The following DCAF7 variants were observed in gnomAD, a reference collection of about 807,000 sequenced individuals.
DCAF7 encodes DDB1- and CUL4-associated factor 7.
Under a neutral mutation model 41.2 loss-of-function variants are expected in DCAF7, and 4 were observed. That is an observed-to-expected ratio of 0.10 (90% confidence interval 0.05 to 0.22). DCAF7 has a LOEUF of 0.22. Among genes scored for constraint, DCAF7 ranks in the 10% least tolerant of loss-of-function variants. DCAF7 has a pLI of 1.00. For missense variants in DCAF7, 131 were observed against 443.2 expected (o/e 0.30, Z 6.32); for synonymous variants, 143 against 164.2 (o/e 0.87, Z 0.99).
chr17:63,554,819 C>G (rs1252580150), intron 1 of DCAF7, among the ~76,000 whole-genome samples: 3 of 152,102 alleles, frequency 2.0e-5, no homozygotes, highest in African/African-American at 7.2e-5. Flanking sequence ...AATTATATGG[C>G]TGTTTAGTAA....
At chr17:63,563,715 T>C (rs965039015) in intron 1 of DCAF7, among the ~76,000 whole-genome samples, 1 of 152,070 alleles carries the variant, frequency 6.6e-6, no homozygotes, top group African/African-American at 2.4e-5. Context: ...CTCGGGAGGC[T>C]GAGATGGGAG....
At chr17:63,588,653 T>C (rs16946999) in intron 6 of DCAF7, among the ~76,000 whole-genome samples, 21,583 of 152,070 alleles carry the variant, frequency 0.14, 4,967 homozygotes, top group African/African-American at 0.49. Context: ...GTATTTTAAG[T>C]GGCTGCAAAT....
Position 63,559,335 on chromosome 17 carries a change from A to ATATATATATG in DCAF7, c.138+8522_138+8523insTATATATGTA, listed in dbSNP as rs1568097645. Among the ~76,000 whole-genome samples, 52 of 107,346 alleles carry ATATATATATG rather than the reference A, an allele frequency of 4.8e-4. 1 individual carries two copies. Among genetic ancestry groups the ATATATATATG allele is most frequent in the African/African-American group, 1.9e-3 (46 of 24,826 alleles). 70.4% of individuals were successfully genotyped at this position (107,346 alleles called of 152,430 possible). A position where few individuals can be genotyped will look rare whatever the true frequency, so the allele number is the denominator to read the frequency against. ...TATATATATATGTATATATATATAC[A>ATATATATATG]TACATATATATACGTATATATATGT... On this transcript the variant is annotated intron_variant, in intron 1 of 6. Coordinates refer to ENST00000614556, the MANE Select transcript of DCAF7 (RefSeq NM_005828.5).
intron 1 of DCAF7, among the ~76,000 whole-genome samples, chr17:63,565,589 A>G (rs2033431639): frequency 6.6e-6 from 1 of 151,958 alleles, no homozygotes; most frequent in Non-Finnish European, 1.5e-5. Context: ...AATAATAATA[A>G]TAATAAAATG....
intron 1 of DCAF7, among the ~76,000 whole-genome samples, chr17:63,558,524 C>A (rs1192785427): frequency 6.6e-6 from 1 of 152,140 alleles, no homozygotes; most frequent in Non-Finnish European, 1.5e-5. Context: ...TTAATGTAAT[C>A]CCTGTTTAAA....
chr17:63,555,562 C>T (rs1051172504), intron 1 of DCAF7, among the ~76,000 whole-genome samples: 3 of 152,058 alleles, frequency 2.0e-5, no homozygotes, highest in Non-Finnish European at 4.4e-5. Flanking sequence ...TTAATTTAGC[C>T]GGTCTGTATT....
chr17:63,560,796 CAG>C (rs1446689557), intron 1 of DCAF7, among the ~76,000 whole-genome samples: 5 of 152,186 alleles, frequency 3.3e-5, no homozygotes, highest in Non-Finnish European at 7.4e-5. Context: ...GAGGAATAAA[CAG>C]AAAGGAATGA....
rs768843071 is a variant in DCAF7 at position 63,585,309 on chromosome 17, C to T, written c.837C>T (p.Ser279=). The part of the protein sequence containing the change: ...VNGIAWAPHS[S]CHICTAADDH... ...GCATTGCTTGGGCCCCACATTCATC[C>T]TGCCACATCTGCACTGCAGGTAATC... Residue 279 remains serine, a synonymous_variant, in exon 6 of 7, where the codon TCC becomes TCT. Transcript: ENST00000614556. The T allele has an allele frequency of 3.1e-6, 5 of 1,613,854 alleles. No individual in the cohort carries two copies. Among genetic ancestry groups the T allele is most frequent in the Middle Eastern group, 1.7e-4 (1 of 6,060 alleles).
chr17:63,558,587 G>T (rs4968657), intron 1 of DCAF7, among the ~76,000 whole-genome samples: 41,482 of 152,040 alleles, frequency 0.27, 6,341 homozygotes, highest in Middle Eastern at 0.36. Context: ...GCCCAGGCTA[G>T]AGTGCAGTAG....
chr17:63,559,399 G>GTATATATATATGTATATATATATGTA (rs10637228), intron 1 of DCAF7, among the ~76,000 whole-genome samples: 3 of 88,100 alleles, frequency 3.4e-5, no homozygotes, highest in African/African-American at 1.2e-4. Flanking sequence ...ATATATATAT[G>GTATATATATATGTATATATATATGTA]TATATATATG....
In DCAF7 at chr17:63,590,332, T is replaced by G. The variant is rs1426818403; in HGVS notation, c.*1160T>G. 6.6e-6 allele frequency: 1 copy of G among 152,540 alleles called. No individual in the cohort carries two copies. The highest frequency in any genetic ancestry group is 1.5e-5 in the Non-Finnish European group (1 of 68,092). The allele number at this position is 152,540 out of a possible 1,614,324, so 9.4% of individuals were successfully genotyped here. On this transcript the variant is annotated 3_prime_UTR_variant, in exon 7 of 7. Transcript: ENST00000614556. ...AGACCTTACATGAGAGATGGACTGATGGACTGCGGCAATCCTGGGCTGTCA... is the reference window on the plus strand; with the variant it reads ...AGACCTTACATGAGAGATGGACTGAGGGACTGCGGCAATCCTGGGCTGTCA...
chr17:63,583,222 A>G (rs2033642654), intron 4 of DCAF7, among the ~76,000 whole-genome samples: 1 of 152,236 alleles, frequency 6.6e-6, no homozygotes, highest in Non-Finnish European at 1.5e-5. Flanking sequence ...TCAGCAGGGC[A>G]TGTGCCTTTG....
intron 1 of DCAF7, among the ~76,000 whole-genome samples, chr17:63,574,929 A>G (rs2033545104): frequency 6.6e-6 from 1 of 152,144 alleles, no homozygotes; most frequent in Non-Finnish European, 1.5e-5. Context: ...GCTGTGATTG[A>G]GCCACTACAC....
Position 63,593,767 on chromosome 17 carries a change from C to T in DCAF7, c.*4595C>T, listed in dbSNP as rs1377437544. The stretch of plus-strand genomic sequence containing the variant: ...CTTGTCAGTGACCTTCCTTCCCCAC[C>T]CCACCCAGAGTGAATTTGTAGCATG... On this transcript the variant is annotated 3_prime_UTR_variant, in exon 7 of 7. Coordinates refer to ENST00000614556, the MANE Select transcript of DCAF7 (RefSeq NM_005828.5). The T allele has an allele frequency of 6.6e-6, 1 of 152,584 alleles. No individual in the cohort carries two copies. The highest frequency in any genetic ancestry group is 2.4e-5 in the African/African-American group (1 of 41,414). 9.5% of individuals were successfully genotyped at this position (152,584 alleles called of 1,614,324 possible).
chr17:63,554,781 T>A (rs534004690), intron 1 of DCAF7, among the ~76,000 whole-genome samples: 1 of 152,366 alleles, frequency 6.6e-6, no homozygotes, highest in South Asian at 2.1e-4. Flanking sequence ...ATCATTACTG[T>A]ACCTGTAATT....
At chr17:63,576,387 C>T (rs1217887448) in intron 1 of DCAF7, among the ~76,000 whole-genome samples, 1 of 151,828 alleles carries the variant, frequency 6.6e-6, no homozygotes, top group Non-Finnish European at 1.5e-5. Context: ...TGGAGGTTGC[C>T]GTAAGCCAAG....
intron 6 of DCAF7, among the ~76,000 whole-genome samples, chr17:63,586,423 C>T (rs569981679): frequency 1.3e-5 from 2 of 151,940 alleles, no homozygotes; most frequent in East Asian, 3.9e-4. Flanking sequence ...CCACTGTACT[C>T]CAGCCTGGGC....
chr17:63,570,749 G>C (rs985397704), intron 1 of DCAF7, among the ~76,000 whole-genome samples: 26 of 152,216 alleles, frequency 1.7e-4, no homozygotes, highest in African/African-American at 6.3e-4. Flanking sequence ...CTGTCTTTTG[G>C]GATTAAATAC....
At chr17:63,559,393 ATATATG>A (rs1213423115) in intron 1 of DCAF7, among the ~76,000 whole-genome samples, 22 of 96,964 alleles carry the variant, frequency 2.3e-4, no homozygotes, top group African/African-American at 4.1e-4. Context: ...ATATGTATAT[ATATATG>A]TATATATATG....
Sources: allele counts gnomAD v4.1 joint callset (sites outside exome capture counted in the v4.1 genomes callset), GRCh38; gene constraint gnomAD v4.1.1; transcripts MANE v1.5; gene names NCBI Gene and HGNC (gene_info 2026-07-23, HGNC 2026-07-21).